AKT3: variants seen among roughly 807,000 people sequenced by gnomAD.
AKT3 encodes the protein RAC-gamma serine/threonine-protein kinase.
AKT3 carries 15 observed loss-of-function variants against 65.3 expected under a neutral mutation model. That is an observed-to-expected ratio of 0.23 (90% CI 0.15 to 0.35). AKT3 has a LOEUF of 0.35. Ranked by LOEUF, AKT3 falls within the 10% of genes least tolerant of loss-of-function variation. The pLI is 1.00. For synonymous variants in AKT3, 206 were observed against 183.8 expected (o/e 1.12, Z -0.98); for missense variants, 243 against 576.5 (o/e 0.42, Z 5.92).
intron 2 of AKT3, among the ~76,000 whole-genome samples, chr1:243,840,610 G>C (rs1695182901): frequency 6.6e-6 from 1 of 151,954 alleles, no homozygotes; most frequent in African/African-American, 2.4e-5. Flanking sequence ...TTCAGAATCA[G>C]CAAGTATAAC....
At chr1:243,525,183 T>C (rs1004005565) in intron 12 of AKT3, among the ~76,000 whole-genome samples, 1 of 152,164 alleles carries the variant, frequency 6.6e-6, no homozygotes, top group Non-Finnish European at 1.5e-5. Context: ...TAGTGAAGTC[T>C]AAATAAACCA....
At chr1:243,534,188 G>A (rs1276897303) in intron 12 of AKT3, among the ~76,000 whole-genome samples, 1 of 152,120 alleles carries the variant, frequency 6.6e-6, no homozygotes, top group African/African-American at 2.4e-5. Flanking sequence ...TAAAGGGATG[G>A]AAAAAAGATA....
At chr1:243,796,244 G>C (rs1223863170) in intron 2 of AKT3, among the ~76,000 whole-genome samples, 1 of 152,196 alleles carries the variant, frequency 6.6e-6, no homozygotes, top group Non-Finnish European at 1.5e-5. Context: ...TAGGAAATAA[G>C]AAGAGATGTA....
intron 2 of AKT3, among the ~76,000 whole-genome samples, chr1:243,736,530 C>T (rs1490691469): frequency 6.6e-6 from 1 of 152,062 alleles, no homozygotes; most frequent in Non-Finnish European, 1.5e-5. Flanking sequence ...AAGAATGGCC[C>T]TACCAATAAA....
At chr1:243,834,779 AT>A (rs1187384015) in intron 2 of AKT3, among the ~76,000 whole-genome samples, 4 of 152,176 alleles carry the variant, frequency 2.6e-5, no homozygotes, top group Non-Finnish European at 2.9e-5. Context: ...GTGAAAAAAA[AT>A]ATCAGACAGA....
At chr1:243,777,185 G>T (rs1057209335) in intron 2 of AKT3, among the ~76,000 whole-genome samples, 1 of 152,128 alleles carries the variant, frequency 6.6e-6, no homozygotes, top group Non-Finnish European at 1.5e-5. Context: ...GATGGTTTGG[G>T]GATGATGCAA....
chr1:243,844,568 G>A (rs1695429744), intron 1 of AKT3, among the ~76,000 whole-genome samples: 1 of 152,084 alleles, frequency 6.6e-6, no homozygotes, highest in South Asian at 2.1e-4. Context: ...AGCCTCCAAT[G>A]GGGGTCAAGC....
Position 243,499,922 on chromosome 1 carries a change from C to T in AKT3, c.*5327G>A. On this transcript the variant is annotated 3_prime_UTR_variant, in exon 14 of 14. Coordinates refer to ENST00000673466, the MANE Select transcript of AKT3 (RefSeq NM_005465.7). ...AGCCTGCAGTGGGGCTGGTCCTCAT[C>T]AACGCGGGCGCTGTCCCCGCACGCA... The T allele has an allele frequency of 1.3e-6, 1 of 799,136 alleles. No individual in the cohort carries two copies. Among genetic ancestry groups the T allele is most frequent in the Non-Finnish European group, 2.1e-6 (1 of 469,330 alleles). 49.5% of individuals were successfully genotyped at this position (799,136 alleles called of 1,614,324 possible).
At chr1:243,843,376 G>T in intron 1 of AKT3, 94 bp from the exon 2 acceptor site, 1 of 1,218,934 alleles carries the variant, frequency 8.2e-7, no homozygotes, top group Non-Finnish European at 1.0e-6. Flanking sequence ...GTCTTCAACT[G>T]GCCTGACCTC....
At chr1:243,783,277 G>T (rs181290623) in intron 2 of AKT3, among the ~76,000 whole-genome samples, 34 of 152,274 alleles carry the variant, frequency 2.2e-4, no homozygotes, top group African/African-American at 7.9e-4. Context: ...AAGGAAAGAG[G>T]AGCTAGAAAT....
intron 3 of AKT3, among the ~76,000 whole-genome samples, chr1:243,670,683 AG>A (rs1200873859): frequency 6.6e-6 from 1 of 152,244 alleles, no homozygotes; most frequent in African/African-American, 2.4e-5. Context: ...ACAAAATGCC[AG>A]GTAGCTAACT....
intron 2 of AKT3, among the ~76,000 whole-genome samples, chr1:243,763,449 T>C (rs1250688310): frequency 1.3e-5 from 2 of 152,096 alleles, no homozygotes; most frequent in Non-Finnish European, 2.9e-5. Flanking sequence ...TACTTTAGGC[T>C]TGAGCTCAAA....
chr1:243,807,158 T>C (rs903473617), intron 2 of AKT3, among the ~76,000 whole-genome samples: 6 of 152,172 alleles, frequency 3.9e-5, no homozygotes, highest in Non-Finnish European at 5.9e-5. Context: ...ACCAGGTTCA[T>C]CTCAATGGGG....
In AKT3 at chr1:243,747,629, C is replaced by T. The variant is rs377249502; in HGVS notation, c.47-51913G>A. Among the ~76,000 whole-genome samples, 4 of 152,248 alleles carry T rather than the reference C, an allele frequency of 2.6e-5. No individual in the cohort carries two copies. The East Asian group carries it at 7.7e-4, about 29-fold the overall frequency. ...TGAAGAGATTAAAGGGAGATATCTTCAATGAACAGACCAAAATGTCACCTA... is the reference window on the plus strand; with the variant it reads ...TGAAGAGATTAAAGGGAGATATCTTTAATGAACAGACCAAAATGTCACCTA... On this transcript the variant is annotated intron_variant, in intron 2 of 13. Coordinates refer to ENST00000673466, the MANE Select transcript of AKT3 (RefSeq NM_005465.7).
chr1:243,628,249 C>T (rs530284888), intron 6 of AKT3, among the ~76,000 whole-genome samples: 85 of 152,116 alleles, frequency 5.6e-4, no homozygotes, highest in Admixed American at 1.5e-3. Flanking sequence ...AATGGCTTAA[C>T]GGGAATGTGC....
chr1:243,823,809 T>A (rs1693996381), intron 2 of AKT3, among the ~76,000 whole-genome samples: 1 of 152,186 alleles, frequency 6.6e-6, no homozygotes, highest in Non-Finnish European at 1.5e-5. Flanking sequence ...GAAGAATCAA[T>A]ATCGTGAAAA....
intron 2 of AKT3, among the ~76,000 whole-genome samples, chr1:243,801,250 C>A (rs2148366967): frequency 6.6e-6 from 1 of 152,236 alleles, no homozygotes; most frequent in African/African-American, 2.4e-5. Context: ...ATATTAAAAA[C>A]AATTTCTATT....
intron 4 of AKT3, among the ~76,000 whole-genome samples, chr1:243,658,979 A>G (rs1682047379): frequency 6.6e-6 from 1 of 152,002 alleles, no homozygotes; most frequent in South Asian, 2.1e-4. Flanking sequence ...GCAGTAAGCC[A>G]TGATCACACC....
intron 10 of AKT3, among the ~76,000 whole-genome samples, chr1:243,561,978 G>A (rs1673817935): frequency 6.6e-6 from 1 of 152,106 alleles, no homozygotes; most frequent in African/African-American, 2.4e-5. Context: ...CAGAAATGAT[G>A]TTGTGTGACT....
Sources: gnomAD v4.1 joint callset for allele counts (sites outside exome capture counted in the v4.1 genomes callset) on GRCh38, gnomAD v4.1.1 for gene constraint, MANE v1.5 for transcripts, NCBI Gene and HGNC (gene_info 2026-07-23, HGNC 2026-07-21) for gene names.